ZC3H12B: variants seen among roughly 807,000 people sequenced by gnomAD.
The protein encoded by ZC3H12B is zinc finger CCCH-type containing 12B.
ZC3H12B carries 7 observed loss-of-function variants against 43.9 expected under a neutral mutation model. The ratio of observed to expected loss-of-function variants is 0.16; its 90% CI spans 0.09 to 0.30. ZC3H12B has a LOEUF of 0.30. ZC3H12B is among the 10% of genes least tolerant of loss of function. The pLI, the probability that ZC3H12B is intolerant of heterozygous loss-of-function variation, is 1.00. For synonymous variants in ZC3H12B, 222 were observed against 241.7 expected, an observed-to-expected ratio of 0.92 and a Z score of 0.76; for missense variants, 475 against 670.2, an observed-to-expected ratio of 0.71 and a Z score of 3.22.
chrX:65,419,386 T>C (rs894602052), intron 3 of ZC3H12B, among the ~76,000 whole-genome samples: 1 of 111,767 alleles, frequency 8.9e-6, no homozygotes, highest in African/African-American at 3.3e-5. Flanking sequence ...TCTTGGAGAG[T>C]GACAGTGGAT....
At chrX:65,244,783 C>A in the ZC3H12B span, among the ~76,000 whole-genome samples, 10 of 90,849 alleles carry the variant, frequency 1.1e-4, no homozygotes, top group African/African-American at 4.6e-4. Flanking sequence ...TGCTATAAAG[C>A]AAATTATGAT....
chrX:65,213,184 T>G, the ZC3H12B span, among the ~76,000 whole-genome samples: 17 of 110,141 alleles, frequency 1.5e-4, no homozygotes, highest in African/African-American at 5.2e-4. Context: ...TTGTTGCTTT[T>G]TATTCAGCAC....
the ZC3H12B span, among the ~76,000 whole-genome samples, chrX:65,143,529 T>TG: frequency 9.1e-6 from 1 of 109,940 alleles, no homozygotes; most frequent in African/African-American, 3.3e-5. Context: ...CCTGCATCTC[T>TG]GGTGTGAAAC....
chrX:65,169,943 G>A, the ZC3H12B span, among the ~76,000 whole-genome samples: 2 of 111,673 alleles, frequency 1.8e-5, no homozygotes, highest in Admixed American at 1.9e-4. Flanking sequence ...ACACGAGACG[G>A]GTCTCCTGAA....
At chrX:65,438,639 A>T (rs2067257461) in intron 3 of ZC3H12B, among the ~76,000 whole-genome samples, 1 of 113,144 alleles carries the variant, frequency 8.8e-6, no homozygotes, top group Non-Finnish European at 1.9e-5. Flanking sequence ...TTGTTTCTAT[A>T]GATATTAAAT....
At chrX:65,103,663 G>T in the ZC3H12B span, among the ~76,000 whole-genome samples, 1 of 111,746 alleles carries the variant, frequency 8.9e-6, no homozygotes, top group African/African-American at 3.3e-5. Flanking sequence ...GTGGGGAACT[G>T]ATAAATGTCC....
rs375573713 is a variant in ZC3H12B at position 65,393,896 on chromosome X, CT to C, written n.296-4696del. Among the ~76,000 whole-genome samples the C allele has an allele frequency of 1.1e-4, 12 of 112,370 alleles. No individual in the cohort carries two copies. In the South Asian group the frequency reaches 4.1e-3, roughly 38 times the overall value. On this transcript the variant is annotated intron_variant and non_coding_transcript_variant, in intron 2 of 5. Coordinates refer to the ZC3H12B transcript ENST00000617377. ...GACTTTTTAATAATCTCTATTCTAA[CT>C]AGTGTGAGATGGTGTTGCATTGTGG...
chrX:65,218,374 T>C, the ZC3H12B span, among the ~76,000 whole-genome samples: 4 of 112,276 alleles, frequency 3.6e-5, no homozygotes, highest in African/African-American at 1.3e-4. Flanking sequence ...CGAGGAACTG[T>C]GAATCAGCTT....
the ZC3H12B span, among the ~76,000 whole-genome samples, chrX:65,348,638 A>G: frequency 7.3e-5 from 8 of 109,140 alleles, no homozygotes; most frequent in African/African-American, 2.3e-4. Context: ...AAAGACACAC[A>G]TAGGCTCAAA....
chrX:65,349,586 G>T, the ZC3H12B span, among the ~76,000 whole-genome samples: 1 of 111,185 alleles, frequency 9.0e-6, no homozygotes, highest in Non-Finnish European at 1.9e-5. Flanking sequence ...GCTGTTTTTT[G>T]AAAAGATCAA....
intron 2 of ZC3H12B, among the ~76,000 whole-genome samples, chrX:65,389,079 G>T (rs943153868): frequency 8.9e-6 from 1 of 112,131 alleles, no homozygotes; most frequent in Non-Finnish European, 1.9e-5. Context: ...GGCTACTTGG[G>T]GTTCAGGGAC....
At chrX:65,432,755 A>G (rs2067178422) in intron 3 of ZC3H12B, among the ~76,000 whole-genome samples, 1 of 112,174 alleles carries the variant, frequency 8.9e-6, no homozygotes, top group Non-Finnish European at 1.9e-5. Context: ...CATGCCTCAC[A>G]CCACTGGACC....
chrX:65,453,395 TATATATATAA>T (rs1268167580), intron 3 of ZC3H12B, among the ~76,000 whole-genome samples: 15 of 86,720 alleles, frequency 1.7e-4, no homozygotes, highest in African/African-American at 6.4e-4. Flanking sequence ...TATATATATA[TATATATATAA>T]AATAGAATAG....
the ZC3H12B span, among the ~76,000 whole-genome samples, chrX:65,212,441 T>C: frequency 1.7e-5 from 1 of 59,995 alleles, no homozygotes; most frequent in Non-Finnish European, 2.6e-5. Context: ...TTATATATTA[T>C]ATTATATATT....
the ZC3H12B span, among the ~76,000 whole-genome samples, chrX:65,237,162 A>G: frequency 8.9e-6 from 1 of 111,899 alleles, no homozygotes; most frequent in African/African-American, 3.3e-5. Context: ...CATAATATCA[A>G]TTATTCCTAT....
the ZC3H12B span, among the ~76,000 whole-genome samples, chrX:65,074,030 G>A: frequency 8.9e-6 from 1 of 111,818 alleles, no homozygotes; most frequent in African/African-American, 3.3e-5. Flanking sequence ...AGCTTCTCCA[G>A]TATTCTAATA....
At chrX:65,295,213 G>T in the ZC3H12B span, among the ~76,000 whole-genome samples, 1 of 111,010 alleles carries the variant, frequency 9.0e-6, no homozygotes, top group Admixed American at 9.6e-5. Flanking sequence ...GTATTCTCAG[G>T]CTATAGTGGA....
At chrX:65,222,374 C>A in the ZC3H12B span, among the ~76,000 whole-genome samples, 2 of 110,290 alleles carry the variant, frequency 1.8e-5, no homozygotes, top group Non-Finnish European at 1.9e-5. Context: ...AGAAAGAAAT[C>A]AATGGCATCC....
the ZC3H12B span, among the ~76,000 whole-genome samples, chrX:65,086,606 G>A: frequency 1.8e-5 from 2 of 111,463 alleles, no homozygotes; most frequent in African/African-American, 3.3e-5. Context: ...ATTAGTTATT[G>A]CCATTATAAA....
Sources: gnomAD v4.1 joint callset for allele counts (sites outside exome capture counted in the v4.1 genomes callset) on GRCh38, gnomAD v4.1.1 for gene constraint, MANE v1.5 for transcripts, NCBI Gene and HGNC (gene_info 2026-07-23, HGNC 2026-07-21) for gene names.